The following AUTS2 variants were observed in gnomAD, a reference collection of about 807,000 sequenced individuals.
AUTS2 encodes autism susceptibility gene 2 protein.
In AUTS2, 17 loss-of-function variants were observed where a neutral mutation model predicts 112.4. That is an observed-to-expected ratio of 0.15 (90% CI 0.10 to 0.23). The LOEUF is 0.23. AUTS2 is among the 10% of genes least tolerant of loss of function. The pLI is 1.00. For synonymous variants in AUTS2, 751 were observed against 702.7 expected (o/e 1.07, Z -1.09); for missense variants, 1,510 against 1,701.6 (o/e 0.89, Z 1.98).
chr7:69,762,650 G>GTGT lies in AUTS2; in HGVS notation c.310-136633_310-136631dup, dbSNP rs1404580056. ...ATCTAGTTGGGCTTCTGGCTAATTCGTGTTGGTGACCAATGTTTGCATATT... is the reference window on the plus strand; with the variant it reads ...ATCTAGTTGGGCTTCTGGCTAATTCGTGTTGTTGGTGACCAATGTTTGCATATT... On this transcript the variant is annotated intron_variant, in intron 1 of 18. Coordinates refer to ENST00000342771, the MANE Select transcript of AUTS2 (RefSeq NM_015570.4). 1.2e-4 allele frequency among the ~76,000 whole-genome samples: 19 copies of GTGT among 152,072 alleles called. No individual in the cohort carries two copies. The East Asian group carries it at 2.3e-3, about 19-fold the overall frequency.
intron 5 of AUTS2, among the ~76,000 whole-genome samples, chr7:70,613,937 C>CTAAACTGTCA (rs1355740607): frequency 6.6e-6 from 1 of 152,172 alleles, no homozygotes; most frequent in Non-Finnish European, 1.5e-5. Flanking sequence ...CCCAGTAGTA[C>CTAAACTGTCA]CTAAAAGTGA....
chr7:70,152,545 G>A (rs1584797160), intron 4 of AUTS2, among the ~76,000 whole-genome samples: 2 of 151,872 alleles, frequency 1.3e-5, no homozygotes, highest in Admixed American at 6.6e-5. Flanking sequence ...AAAAGACATG[G>A]ATAAGAGAAT....
intron 4 of AUTS2, among the ~76,000 whole-genome samples, chr7:70,377,966 G>A (rs1260168003): frequency 6.6e-6 from 1 of 151,038 alleles, no homozygotes; most frequent in African/African-American, 2.4e-5. Flanking sequence ...TTTTAGTAGA[G>A]ACGGGGTTTC....
chr7:69,855,581 A>G (rs940409930), intron 1 of AUTS2, among the ~76,000 whole-genome samples: 1 of 152,154 alleles, frequency 6.6e-6, no homozygotes, highest in Non-Finnish European at 1.5e-5. Context: ...AACTCAAGAG[A>G]GTAGATAAGG....
chr7:70,029,510 C>T lies in AUTS2; in HGVS notation c.523-88622C>T, dbSNP rs1289949255. On this transcript the variant is annotated intron_variant, in intron 2 of 18. Coordinates refer to ENST00000342771, the MANE Select transcript of AUTS2 (RefSeq NM_015570.4). Reference sequence around the variant, plus strand: ...AAACATTTGTTGAATTGGATTATATCCAAAAGATGCTTCTGCTAAAATACT... The same window carrying T: ...AAACATTTGTTGAATTGGATTATATTCAAAAGATGCTTCTGCTAAAATACT... Among the ~76,000 whole-genome samples, 4 of 152,024 alleles carry T rather than the reference C, an allele frequency of 2.6e-5. No individual in the cohort carries two copies. In the East Asian group the frequency reaches 7.7e-4, roughly 29 times the overall value.
At chr7:70,010,949 G>A (rs1459681137) in intron 2 of AUTS2, among the ~76,000 whole-genome samples, 1 of 152,182 alleles carries the variant, frequency 6.6e-6, no homozygotes, top group Non-Finnish European at 1.5e-5. Context: ...GGCAGCCAAG[G>A]AAGAGATTTG....
chr7:69,966,620 T>C (rs371504185), intron 2 of AUTS2, among the ~76,000 whole-genome samples: 2 of 152,194 alleles, frequency 1.3e-5, no homozygotes, highest in East Asian at 3.9e-4. Flanking sequence ...AGATGTGCCA[T>C]AATATTATTT....
At chr7:69,984,363 C>T (rs1333794636) in intron 2 of AUTS2, among the ~76,000 whole-genome samples, 1 of 146,292 alleles carries the variant, frequency 6.8e-6, no homozygotes, top group East Asian at 2.0e-4. Context: ...GCCAAGATCA[C>T]GCCACTGCAC....
Position 70,030,058 on chromosome 7 carries a change from A to G in AUTS2, c.523-88074A>G, listed in dbSNP as rs141040335. Among the ~76,000 whole-genome samples the G allele has an allele frequency of 9.5e-3, 1,450 of 152,318 alleles. 11 individuals are homozygous for G. The highest frequency in any genetic ancestry group is 0.013 in the Non-Finnish European group (874 of 68,022). ...TCCAGAAAATCTCAGCAGATTACTC[A>G]CAAGTTCAGTGGCCCAAAGTTGTAT... is the stretch of plus-strand genomic sequence containing the variant. On this transcript the variant is annotated intron_variant, in intron 2 of 18. Transcript: ENST00000342771.
At chr7:70,081,486 G>A (rs779139893) in intron 2 of AUTS2, among the ~76,000 whole-genome samples, 17 of 151,738 alleles carry the variant, frequency 1.1e-4, no homozygotes, top group Non-Finnish European at 1.8e-4. Flanking sequence ...GCTTGAACCC[G>A]GGAGATGGAG....
At chr7:70,416,647 A>G (rs1164896346) in intron 4 of AUTS2, among the ~76,000 whole-genome samples, 1 of 152,178 alleles carries the variant, frequency 6.6e-6, no homozygotes, top group Non-Finnish European at 1.5e-5. Flanking sequence ...CTGTCCGGCA[A>G]CCCACAGCGG....
chr7:70,629,033 A>C lies in AUTS2; in HGVS notation c.691-69536A>C, dbSNP rs562106886. On this transcript the variant is annotated intron_variant, in intron 5 of 18. Transcript: ENST00000342771. ...GTACTGAGGTTCTGGTGGCAGGTTC[A>C]TATCCATCGCGGGGCAGTCGGGTTT... Among the ~76,000 whole-genome samples, 5 of 152,280 alleles carry C rather than the reference A, an allele frequency of 3.3e-5. No individual in the cohort carries two copies. The East Asian group carries it at 5.8e-4, about 18-fold the overall frequency.
chr7:70,705,781 G>T (rs1809705450), intron 6 of AUTS2, among the ~76,000 whole-genome samples: 1 of 152,186 alleles, frequency 6.6e-6, no homozygotes, highest in Admixed American at 6.5e-5. Flanking sequence ...GGGCATAGGA[G>T]CTGGGCCTCT....
chr7:70,783,523 T>G (rs1321393532), intron 15 of AUTS2: 2 of 152,242 alleles, frequency 1.3e-5, no homozygotes. Context: ...GAATTTATAT[T>G]TGTTTATAGG....
At position 70,789,904 on chromosome 7, in the gene AUTS2, C is replaced by G. The variant is rs1791773370; in HGVS notation, c.2688C>G (p.Asp896Glu). The G allele has an allele frequency of 2.5e-6, 4 of 1,613,968 alleles. No individual in the cohort carries two copies. Among genetic ancestry groups the G allele is most frequent in the African/African-American group, 2.7e-5 (2 of 74,902 alleles). The change falls in exon 19 of 19, where the codon GAC becomes GAG. Residue 896 changes from aspartate (D) to glutamate (E), a missense_variant. Transcript: ENST00000342771. ...ACAAACCCAAAGAGAGGGAGAGAGA[C>G]CACTCGGAATCCCGCAAGGACCTGG... Reference protein sequence around the residue: ...EKDKPKERERDHSESRKDLAA... With the variant: ...EKDKPKEREREHSESRKDLAA...
chr7:70,404,515 C>T (rs2130261374), intron 4 of AUTS2, among the ~76,000 whole-genome samples: 1 of 152,140 alleles, frequency 6.6e-6, no homozygotes, highest in East Asian at 1.9e-4. Flanking sequence ...TATGATGTAC[C>T]TTTTCAAATC....
At chr7:70,789,499 G>A (rs550262026) in intron 18 of AUTS2, among the ~76,000 whole-genome samples, 2 of 152,176 alleles carry the variant, frequency 1.3e-5, no homozygotes, top group South Asian at 4.2e-4. Flanking sequence ...AGAGATTCTT[G>A]CTCCCAGCAG....
chr7:70,713,769 C>T (rs1010872600), intron 6 of AUTS2, among the ~76,000 whole-genome samples: 2 of 152,098 alleles, frequency 1.3e-5, no homozygotes, highest in Admixed American at 6.5e-5. Context: ...GTGGCGGGAG[C>T]CTTGTAGTCC....
intron 2 of AUTS2, among the ~76,000 whole-genome samples, chr7:70,043,732 C>G (rs1801372291): frequency 6.6e-6 from 1 of 151,982 alleles, no homozygotes; most frequent in Non-Finnish European, 1.5e-5. Context: ...GCCTCAGCCT[C>G]CCGAGTAGCT....
Sources: gnomAD v4.1 joint callset for allele counts (sites outside exome capture counted in the v4.1 genomes callset) on GRCh38, gnomAD v4.1.1 for gene constraint, MANE v1.5 for transcripts, NCBI Gene and HGNC (gene_info 2026-07-23, HGNC 2026-07-21) for gene names.